The following PRKAG2 variants were observed in gnomAD, a reference collection of about 807,000 sequenced individuals.
PRKAG2 encodes the protein protein kinase AMP-activated non-catalytic subunit gamma 2.
In PRKAG2, 26 loss-of-function variants were observed where a neutral mutation model predicts 69.6. The observed-to-expected ratio is 0.37, with a 90% CI of 0.27 to 0.52. The LOEUF (loss-of-function observed/expected upper bound fraction) is 0.52. PRKAG2 is among the 20% of genes least tolerant of loss of function. PRKAG2 has a pLI of 0.90. For missense variants in PRKAG2, 557 were observed against 740.0 expected (o/e 0.75, Z 2.87); for synonymous variants, 293 against 285.0 (o/e 1.03, Z -0.28).
chr7:151,809,657 A>C (rs2078314568), intron 1 of PRKAG2: 1 of 164,536 alleles, frequency 6.1e-6, no homozygotes, highest in Admixed American at 6.1e-5. Flanking sequence ...CGTTATCCAG[A>C]AAGCTCATCT....
intron 4 of PRKAG2, among the ~76,000 whole-genome samples, chr7:151,643,713 C>G (rs181617608): frequency 1.3e-5 from 2 of 152,330 alleles, no homozygotes; most frequent in Admixed American, 1.3e-4. Flanking sequence ...ACTGCAGACA[C>G]AGAGCCAAGG....
chr7:151,846,114 T>G (rs977513128), intron 1 of PRKAG2, among the ~76,000 whole-genome samples: 1 of 152,202 alleles, frequency 6.6e-6, no homozygotes, highest in Non-Finnish European at 1.5e-5. Context: ...GCTGTTTATT[T>G]TTACAATTTA....
intron 3 of PRKAG2, among the ~76,000 whole-genome samples, chr7:151,751,761 C>T (rs1406654104): frequency 6.6e-6 from 1 of 152,048 alleles, no homozygotes; most frequent in Non-Finnish European, 1.5e-5. Context: ...AATCCTCCTG[C>T]CTCAGACTCC....
At chr7:151,637,363 C>G (rs563257317) in intron 4 of PRKAG2, among the ~76,000 whole-genome samples, 19 of 152,238 alleles carry the variant, frequency 1.2e-4, no homozygotes, top group African/African-American at 4.6e-4. Flanking sequence ...TAAGCACCAT[C>G]AATTTCACCT....
chr7:151,755,138 TTGGGCGTAGGCCGGCTC>T, intron 3 of PRKAG2, among the ~76,000 whole-genome samples: 1 of 152,210 alleles, frequency 6.6e-6, no homozygotes, highest in East Asian at 1.9e-4. Context: ...CGGCCGGTTA[TTGGGCGTAGGCCGGCTC>T]TGGGAGGGGC....
intron 6 of PRKAG2, among the ~76,000 whole-genome samples, chr7:151,591,633 GT>G (rs1195275685): frequency 1.3e-5 from 2 of 152,178 alleles, no homozygotes; most frequent in African/African-American, 4.8e-5. Flanking sequence ...ACATGTGTAC[GT>G]GCTACTCTGA....
chr7:151,874,753 T>C (rs534797387), intron 1 of PRKAG2, among the ~76,000 whole-genome samples: 22 of 152,246 alleles, frequency 1.4e-4, no homozygotes, highest in African/African-American at 5.3e-4. Context: ...ATGGGTGTGG[T>C]GGCACATGCC....
intron 1 of PRKAG2, among the ~76,000 whole-genome samples, chr7:151,798,762 A>C (rs1304578257): frequency 2.6e-5 from 4 of 152,184 alleles, no homozygotes; most frequent in Non-Finnish European, 5.9e-5. Context: ...GTGTGGAGCA[A>C]GGGGTACCAT....
intron 5 of PRKAG2, among the ~76,000 whole-genome samples, chr7:151,600,963 G>A (rs141588899): frequency 4.7e-4 from 72 of 152,248 alleles, no homozygotes; most frequent in African/African-American, 1.5e-3. Context: ...GAGAAGCTGC[G>A]TCACTTGCCC....
rs941210688 is a variant in PRKAG2, at chr7:151,601,807, A to G, written c.755-6353T>C. The stretch of plus-strand genomic sequence containing the variant: ...TGCGAGAGGCGGGGATGCCGCAGGG[A>G]AGACAACAAACACAACCCTTGTCCT... On this transcript the variant is annotated intron_variant, in intron 5 of 15. Coordinates refer to ENST00000287878, the MANE Select transcript of PRKAG2 (RefSeq NM_016203.4). Among the ~76,000 whole-genome samples the G allele has an allele frequency of 2.0e-5, 3 of 152,212 alleles. No individual in the cohort carries two copies. In the South Asian group the frequency reaches 6.2e-4, roughly 32 times the overall value.
chr7:151,681,945 G>A (rs1833947983), intron 3 of PRKAG2, among the ~76,000 whole-genome samples: 1 of 152,218 alleles, frequency 6.6e-6, no homozygotes, highest in Non-Finnish European at 1.5e-5. Flanking sequence ...CCACAGAAGA[G>A]AGAAGGGCAC....
chr7:151,749,254 T>C (rs2074505633), intron 3 of PRKAG2, among the ~76,000 whole-genome samples: 1 of 152,210 alleles, frequency 6.6e-6, no homozygotes, highest in Admixed American at 6.5e-5. Context: ...TGAGTCAGCC[T>C]TTCACATTGT....
chr7:151,764,495 CAGTACT>C (rs2075621577), intron 3 of PRKAG2, among the ~76,000 whole-genome samples: 1 of 152,226 alleles, frequency 6.6e-6, no homozygotes, highest in Non-Finnish European at 1.5e-5. Context: ...TACCCCCGCC[CAGTACT>C]TTCTGACTGT....
At chr7:151,857,491 T>C (rs2079814333) in intron 1 of PRKAG2, among the ~76,000 whole-genome samples, 2 of 152,092 alleles carry the variant, frequency 1.3e-5, no homozygotes, top group Admixed American at 1.3e-4. Flanking sequence ...CTCCACGCAT[T>C]TTCTCGGGTT....
intron 4 of PRKAG2, among the ~76,000 whole-genome samples, chr7:151,644,039 CA>C (rs1827173592): frequency 2.6e-5 from 4 of 152,118 alleles, no homozygotes; most frequent in African/African-American, 7.2e-5. Context: ...TATGAGGACG[CA>C]AAGGCATAAG....
At chr7:151,624,600 G>T (rs115086015) in intron 5 of PRKAG2, among the ~76,000 whole-genome samples, 1 of 152,292 alleles carries the variant, frequency 6.6e-6, no homozygotes, top group Admixed American at 6.5e-5. Context: ...TGTAATCACG[G>T]CCATGAAAGG....
chr7:151,795,705 G>A (rs940947589), intron 1 of PRKAG2, among the ~76,000 whole-genome samples: 9 of 151,950 alleles, frequency 5.9e-5, no homozygotes, highest in Admixed American at 2.6e-4. Flanking sequence ...GGCCTGAAGA[G>A]GGAAAACAGA....
At chr7:151,772,841 C>A (rs977737867) in intron 3 of PRKAG2, among the ~76,000 whole-genome samples, 1 of 151,656 alleles carries the variant, frequency 6.6e-6, no homozygotes, top group African/African-American at 2.4e-5. Flanking sequence ...AAAAAATTAA[C>A]CAGGCATGGT....
At chr7:151,730,658 G>A (rs531479775) in intron 3 of PRKAG2, among the ~76,000 whole-genome samples, 1 of 152,182 alleles carries the variant, frequency 6.6e-6, no homozygotes, top group Admixed American at 6.5e-5. Flanking sequence ...TGAGGGGTGA[G>A]GAGGAGCAGG....
Sources: gnomAD v4.1 joint callset for allele counts (sites outside exome capture counted in the v4.1 genomes callset) on GRCh38, gnomAD v4.1.1 for gene constraint, MANE v1.5 for transcripts, NCBI Gene and HGNC (gene_info 2026-07-23, HGNC 2026-07-21) for gene names.